CCDC171: variants seen among roughly 807,000 people sequenced by gnomAD.
CCDC171 encodes coiled-coil domain-containing protein 171.
Under a neutral mutation model 168.2 loss-of-function variants are expected in CCDC171, and 177 were observed. The ratio of observed to expected loss-of-function variants is 1.05; its 90% CI spans 0.93 to 1.19. The LOEUF (loss-of-function observed/expected upper bound fraction) is 1.19, where lower values mean the gene tolerates loss of function less well. Ranked by LOEUF, CCDC171 falls within the 50% of genes most tolerant of loss-of-function variation. The pLI is 0.00. For synonymous variants in CCDC171, 687 were observed against 540.8 expected, an observed-to-expected ratio of 1.27 and a Z score of -3.75; for missense variants, 1,991 against 1,539.0, an observed-to-expected ratio of 1.29 and a Z score of -4.91.
At chr9:16,011,778 G>A (rs1237777374) in intron 3 of CCDC171, among the ~76,000 whole-genome samples, 13 of 152,172 alleles carry the variant, frequency 8.5e-5, no homozygotes, top group Non-Finnish European at 1.9e-4. Context: ...AGTTAATTAG[G>A]AAACAGATAA....
chr9:15,987,587 G>C (rs182393120), intron 3 of CCDC171, among the ~76,000 whole-genome samples: 21 of 151,500 alleles, frequency 1.4e-4, no homozygotes. Flanking sequence ...AAATCCTGAA[G>C]ATAAATGTTC....
intron 9 of CCDC171, among the ~76,000 whole-genome samples, chr9:15,671,248 C>T (rs2049087533): frequency 6.6e-6 from 1 of 152,140 alleles, no homozygotes; most frequent in South Asian, 2.1e-4. Context: ...TGTTCCTACA[C>T]CTCAGAGACG....
intron 6 of CCDC171, among the ~76,000 whole-genome samples, chr9:15,600,692 G>A (rs909954774): frequency 3.3e-5 from 5 of 152,218 alleles, no homozygotes; most frequent in Non-Finnish European, 7.3e-5. Context: ...AGTCTGCAGA[G>A]GTTTCTGCTG....
At chr9:15,890,474 AG>A (rs1326005126) in intron 24 of CCDC171, among the ~76,000 whole-genome samples, 1 of 151,998 alleles carries the variant, frequency 6.6e-6, no homozygotes, top group Non-Finnish European at 1.5e-5. Flanking sequence ...GCAGCAGTGA[AG>A]TCTATAGGAT....
chr9:15,893,580 A>G (rs991587941), intron 24 of CCDC171, among the ~76,000 whole-genome samples: 8 of 152,184 alleles, frequency 5.3e-5, no homozygotes, highest in Admixed American at 3.9e-4. Context: ...AAACCAATTT[A>G]CAAGAAAAAA....
chr9:15,926,940 A>T (rs1217822423), intron 25 of CCDC171, among the ~76,000 whole-genome samples: 1 of 151,562 alleles, frequency 6.6e-6, no homozygotes, highest in Non-Finnish European at 1.5e-5. Context: ...TATTACCATT[A>T]CTTGTTGTTG....
chr9:16,053,034 A>G (rs989915720), intron 1 of CCDC171, among the ~76,000 whole-genome samples: 1 of 152,188 alleles, frequency 6.6e-6, no homozygotes. Flanking sequence ...GAACGGTAAC[A>G]TTTGCAAAAC....
intron 25 of CCDC171, among the ~76,000 whole-genome samples, chr9:15,958,702 A>T (rs1830057246): frequency 6.6e-6 from 1 of 152,030 alleles, no homozygotes; most frequent in African/African-American, 2.4e-5. Flanking sequence ...CCAAGACAGG[A>T]GAAAGCAGGG....
intron 4 of CCDC171, among the ~76,000 whole-genome samples, chr9:15,584,162 C>T (rs1019077586): frequency 1.8e-4 from 27 of 152,284 alleles, no homozygotes; most frequent in African/African-American, 4.3e-4. Flanking sequence ...CCACCGTGCC[C>T]GGCATGTTAA....
intron 18 of CCDC171, among the ~76,000 whole-genome samples, chr9:15,760,988 A>C (rs1481134054): frequency 1.3e-5 from 2 of 152,198 alleles, no homozygotes; most frequent in Non-Finnish European, 2.9e-5. Flanking sequence ...GATATCAATC[A>C]TGATGGGAAT....
At chr9:15,623,502 C>CACACACAG (rs1006558906) in intron 7 of CCDC171, 89 bp downstream of exon 7, 2 of 693,500 alleles carry the variant, frequency 2.9e-6, no homozygotes, top group Admixed American at 3.1e-5. Context: ...CACACACACA[C>CACACACAG]ACACATAAAA....
At chr9:15,564,250 T>C (rs2039545327) in intron 2 of CCDC171, 121 bp downstream of exon 2, 2 of 661,466 alleles carry the variant, frequency 3.0e-6, no homozygotes, top group Non-Finnish European at 5.2e-6. Context: ...GAGTAGAAAT[T>C]CTGTGGGACT....
chr9:15,946,152 G>T (rs566063383), intron 25 of CCDC171, among the ~76,000 whole-genome samples: 1 of 151,812 alleles, frequency 6.6e-6, no homozygotes, highest in African/African-American at 2.4e-5. Flanking sequence ...TTTCCCCATT[G>T]CTTGTTTTTC....
At chr9:15,729,832 G>T (rs1287552011) in intron 16 of CCDC171, 34 bp downstream of exon 16, 5 of 1,575,442 alleles carry the variant, frequency 3.2e-6, no homozygotes, top group Admixed American at 3.7e-5. Context: ...TTAAAAAATG[G>T]GTTACTCAGT....
intron 25 of CCDC171, among the ~76,000 whole-genome samples, chr9:15,947,878 G>A (rs1389667924): frequency 6.6e-6 from 1 of 151,392 alleles, no homozygotes; most frequent in Non-Finnish European, 1.5e-5. Flanking sequence ...ACAATGTGCA[G>A]GTTAGTTACA....
Position 15,667,731 on chromosome 9 carries a change from T to C in CCDC171, c.1076+1408T>C, listed in dbSNP as rs575393432. Among the ~76,000 whole-genome samples, 16 of 152,332 alleles carry C rather than the reference T, an allele frequency of 1.1e-4. No homozygotes were observed. The South Asian group carries it at 3.3e-3, about 32-fold the overall frequency. On this transcript the variant is annotated intron_variant, in intron 9 of 25. Coordinates refer to ENST00000380701, the MANE Select transcript of CCDC171 (RefSeq NM_173550.4). The stretch of plus-strand genomic sequence containing the variant: ...TTTAAATAGCGGTAATTTTTGTGAG[T>C]GTGACAAAAATCACGAAGATTGCAC...
At chr9:16,004,461 G>T (rs1042112409) in intron 3 of CCDC171, among the ~76,000 whole-genome samples, 3 of 152,206 alleles carry the variant, frequency 2.0e-5, no homozygotes, top group African/African-American at 7.2e-5. Flanking sequence ...TGACGAGCTG[G>T]TGGCCCAGTG....
intron 3 of CCDC171, among the ~76,000 whole-genome samples, chr9:16,018,191 G>A (rs1041673819): frequency 6.6e-6 from 1 of 152,140 alleles, no homozygotes; most frequent in African/African-American, 2.4e-5. Context: ...CCTATTAGAT[G>A]AATTGTCAAT....
the CCDC171 span, among the ~76,000 whole-genome samples, chr9:16,067,002 G>T: frequency 6.6e-6 from 1 of 151,976 alleles, no homozygotes; most frequent in Non-Finnish European, 1.5e-5. Flanking sequence ...GGGTCAAATG[G>T]TATTTCTAGT....
Sources: allele counts gnomAD v4.1 joint callset (sites outside exome capture counted in the v4.1 genomes callset), GRCh38; gene constraint gnomAD v4.1.1; transcripts MANE v1.5; gene names NCBI Gene and HGNC (gene_info 2026-07-23, HGNC 2026-07-21).